PLCB4: variants seen among roughly 807,000 people sequenced by gnomAD.
PLCB4 encodes the protein phospholipase C beta 4.
PLCB4 carries 77 observed loss-of-function variants against 178.8 expected under a neutral mutation model. That is an observed-to-expected ratio of 0.43 (90% confidence interval 0.36 to 0.52). The LOEUF is 0.52. PLCB4 is among the 20% of genes least tolerant of loss of function. PLCB4 has a pLI of 0.00. For missense variants in PLCB4, 1,024 were observed against 1,453.4 expected (o/e 0.70, Z 4.80); for synonymous variants, 496 against 490.8 (o/e 1.01, Z -0.14).
chr20:9,349,646 T>C (rs2034148694), intron 7 of PLCB4, among the ~76,000 whole-genome samples: 1 of 152,186 alleles, frequency 6.6e-6, no homozygotes, highest in Non-Finnish European at 1.5e-5. Context: ...AAGAAGAGAC[T>C]GTAGACCCAG....
intron 3 of PLCB4, among the ~76,000 whole-genome samples, chr20:9,219,106 T>C (rs2093766942): frequency 6.6e-6 from 1 of 152,216 alleles, no homozygotes; most frequent in South Asian, 2.1e-4. Flanking sequence ...CTCAGAAGTT[T>C]TGTTAAATAT....
chr20:9,215,254 G>A (rs1303371765), intron 2 of PLCB4, among the ~76,000 whole-genome samples: 1 of 152,154 alleles, frequency 6.6e-6, no homozygotes, highest in Non-Finnish European at 1.5e-5. Context: ...GTCTTCATGG[G>A]AGTCGTATCT....
intron 3 of PLCB4, among the ~76,000 whole-genome samples, chr20:9,297,165 C>CA (rs1047137417): frequency 2.0e-5 from 3 of 151,524 alleles, no homozygotes; most frequent in African/African-American, 7.3e-5. Context: ...GCACCCCCCC[C>CA]CACACCATAT....
At chr20:9,222,629 T>C (rs555832093) in intron 3 of PLCB4, among the ~76,000 whole-genome samples, 1 of 152,328 alleles carries the variant, frequency 6.6e-6, no homozygotes, top group East Asian at 1.9e-4. Flanking sequence ...ACTTAGCATA[T>C]CCAAATAATT....
chr20:9,408,800 C>T, intron 23 of PLCB4, 83 bp downstream of exon 23: 1 of 766,488 alleles, frequency 1.3e-6, no homozygotes, highest in South Asian at 1.4e-5. Context: ...TGGCTAATAT[C>T]TCATTCTGGT....
At chr20:9,165,840 T>C (rs2092962357) in intron 2 of PLCB4, among the ~76,000 whole-genome samples, 1 of 150,272 alleles carries the variant, frequency 6.7e-6, no homozygotes, top group South Asian at 2.1e-4. Flanking sequence ...TGTGTTACCA[T>C]GTTAATTTGA....
At chr20:9,140,874 C>T (rs961104653) in intron 2 of PLCB4, among the ~76,000 whole-genome samples, 1 of 152,028 alleles carries the variant, frequency 6.6e-6, no homozygotes, top group African/African-American at 2.4e-5. Flanking sequence ...AATGGACTAA[C>T]ACAGAGGTAG....
rs1181227395 is a variant in PLCB4, at chr20:9,480,003, CCTCT to C, written c.*999_*1002del. On this transcript the variant is annotated 3_prime_UTR_variant, in exon 40 of 40. Coordinates refer to ENST00000378473, the MANE Select transcript of PLCB4 (RefSeq NM_001377142.1). ...CAAGACTTTTAGCATAATGAAAAAC[CCTCT>C]CTCTATATATATATGTGTATATGAA... 1.3e-5 allele frequency: 2 copies of C among 151,508 alleles called. No individual in the cohort carries two copies. The highest frequency in any genetic ancestry group is 4.9e-5 in the African/African-American group (2 of 41,096). 9.4% of individuals were successfully genotyped at this position (151,508 alleles called of 1,614,324 possible).
At chr20:9,420,547 T>C (rs2040560574) in intron 26 of PLCB4, among the ~76,000 whole-genome samples, 1 of 152,112 alleles carries the variant, frequency 6.6e-6, no homozygotes. Context: ...CAGGCTGTTC[T>C]CAAACTCCTA....
In PLCB4 at chr20:9,138,104, G is replaced by C. The variant is rs1038608562; in HGVS notation, c.-79+41762G>C. 2.6e-5 allele frequency among the ~76,000 whole-genome samples: 4 copies of C among 152,140 alleles called. No homozygotes were observed. The South Asian group carries it at 6.2e-4, about 24-fold the overall frequency. ...TGTTTCATAGAGCAAGTGACATTGA[G>C]TTGGGTCTTGAAGGATGATAATGAA... On this transcript the variant is annotated intron_variant, in intron 2 of 39. Transcript: ENST00000378473.
intron 3 of PLCB4, among the ~76,000 whole-genome samples, chr20:9,283,663 T>G (rs1390216141): frequency 6.6e-6 from 1 of 151,958 alleles, no homozygotes; most frequent in East Asian, 1.9e-4. Context: ...ATTATTTTGC[T>G]TATGTTGAAT....
intron 3 of PLCB4, among the ~76,000 whole-genome samples, chr20:9,273,548 A>G (rs939579069): frequency 2.6e-5 from 4 of 152,078 alleles, no homozygotes; most frequent in Non-Finnish European, 4.4e-5. Context: ...GAAGGGTCCC[A>G]GAGTCAGTGA....
intron 2 of PLCB4, among the ~76,000 whole-genome samples, chr20:9,130,459 C>T (rs1451178318): frequency 2.6e-5 from 4 of 152,162 alleles, no homozygotes; most frequent in Admixed American, 1.3e-4. Flanking sequence ...ATTGCTGTGT[C>T]GTCTAGCTGG....
In PLCB4 at chr20:9,258,131, G is replaced by A. The variant is rs1410992360; in HGVS notation, c.-16+40679G>A. On this transcript the variant is annotated intron_variant, in intron 3 of 39. Coordinates refer to ENST00000378473, the MANE Select transcript of PLCB4 (RefSeq NM_001377142.1). ...GGAAATAAAGATGCGCACACACACAGATGTTTTAATTTAGCATTGGATCAT... is the reference window on the plus strand; with the variant it reads ...GGAAATAAAGATGCGCACACACACAAATGTTTTAATTTAGCATTGGATCAT... Among the ~76,000 whole-genome samples the A allele has an allele frequency of 2.6e-5, 4 of 152,218 alleles. No homozygotes were observed. In the East Asian group the frequency reaches 5.8e-4, roughly 22 times the overall value.
intron 13 of PLCB4, among the ~76,000 whole-genome samples, chr20:9,380,599 C>T (rs1029004154): frequency 9.9e-5 from 15 of 152,220 alleles, no homozygotes; most frequent in African/African-American, 3.6e-4. Context: ...CCTCATTTGA[C>T]CTCTGGTATG....
chr20:9,199,810 C>A (rs2093519566), intron 2 of PLCB4, among the ~76,000 whole-genome samples: 1 of 151,384 alleles, frequency 6.6e-6, no homozygotes, highest in Non-Finnish European at 1.5e-5. Context: ...TTTAAAATTA[C>A]AATTTACTTA....
chr20:9,408,332 C>G (rs773553677), intron 22 of PLCB4, among the ~76,000 whole-genome samples: 2 of 152,254 alleles, frequency 1.3e-5, no homozygotes, highest in Non-Finnish European at 2.9e-5. Context: ...ATTCACAAGA[C>G]TCCTTTTAAT....
chr20:9,121,953 T>G (rs889665315), intron 2 of PLCB4, among the ~76,000 whole-genome samples: 3 of 152,204 alleles, frequency 2.0e-5, no homozygotes, highest in African/African-American at 7.2e-5. Context: ...CCTGTCAACT[T>G]TGCTTTCCTC....
At chr20:9,168,397 C>T (rs1043063202) in intron 2 of PLCB4, among the ~76,000 whole-genome samples, 8 of 152,164 alleles carry the variant, frequency 5.3e-5, no homozygotes, top group Non-Finnish European at 8.8e-5. Flanking sequence ...CTGAAGGTGA[C>T]GCTGTTGATG....
Sources: allele counts gnomAD v4.1 joint callset (sites outside exome capture counted in the v4.1 genomes callset), GRCh38; gene constraint gnomAD v4.1.1; transcripts MANE v1.5; gene names NCBI Gene and HGNC (gene_info 2026-07-23, HGNC 2026-07-21).